The following NLGN1 variants were observed in gnomAD, a reference collection of about 807,000 sequenced individuals.
The protein encoded by NLGN1 is neuroligin-1.
A neutral mutation model predicts 65.5 loss-of-function variants in NLGN1; 12 were observed. The observed-to-expected ratio is 0.18, with a 90% CI of 0.12 to 0.30. The LOEUF (loss-of-function observed/expected upper bound fraction) is 0.30. Ranked by LOEUF, NLGN1 falls within the 10% of genes least tolerant of loss-of-function variation. The probability of loss-of-function intolerance (pLI) is 1.00; values close to 1 mark genes in which losing one functional copy is unlikely to be tolerated. For missense variants in NLGN1, 750 were observed against 1,007.1 expected, an observed-to-expected ratio of 0.74 and a Z score of 3.46; for synonymous variants, 350 against 359.5, an observed-to-expected ratio of 0.97 and a Z score of 0.30.
At chr3:173,708,825 C>T (rs1263062426) in intron 3 of NLGN1, among the ~76,000 whole-genome samples, 1 of 152,056 alleles carries the variant, frequency 6.6e-6, no homozygotes, top group African/African-American at 2.4e-5. Flanking sequence ...TGAAATATAT[C>T]AGTGATACTA....
At chr3:174,214,549 C>CT (rs1014156590) in intron 4 of NLGN1, among the ~76,000 whole-genome samples, 2 of 151,968 alleles carry the variant, frequency 1.3e-5, no homozygotes, top group Non-Finnish European at 2.9e-5. Flanking sequence ...CTTTTGGTGC[C>CT]TTTTTTTGGT....
intron 2 of NLGN1, among the ~76,000 whole-genome samples, chr3:173,463,836 T>A (rs2148897784): frequency 6.6e-6 from 1 of 152,290 alleles, no homozygotes; most frequent in African/African-American, 2.4e-5. Context: ...ACAGCTCTTC[T>A]CACTAAATGA....
chr3:173,627,877 G>T (rs2149527715), intron 3 of NLGN1, among the ~76,000 whole-genome samples: 1 of 151,298 alleles, frequency 6.6e-6, no homozygotes, highest in South Asian at 2.1e-4. Context: ...AAAAAAAAAA[G>T]CTATTCCTGA....
At chr3:173,693,455 C>A (rs1765760187) in intron 3 of NLGN1, among the ~76,000 whole-genome samples, 1 of 152,048 alleles carries the variant, frequency 6.6e-6, no homozygotes, top group African/African-American at 2.4e-5. Context: ...CCAATACCTT[C>A]AAACATAAGA....
At chr3:173,401,993 C>T (rs1268901612) in intron 1 of NLGN1, among the ~76,000 whole-genome samples, 2 of 152,128 alleles carry the variant, frequency 1.3e-5, no homozygotes, top group African/African-American at 4.8e-5. Context: ...CCTTCTCTTC[C>T]AGTCTATTGA....
intron 2 of NLGN1, among the ~76,000 whole-genome samples, chr3:173,445,934 G>C (rs537124413): frequency 6.6e-6 from 1 of 152,198 alleles, no homozygotes; most frequent in East Asian, 1.9e-4. Context: ...ACCTCTAACA[G>C]ACATTTGATC....
At chr3:173,567,110 G>A (rs1344926322) in intron 2 of NLGN1, among the ~76,000 whole-genome samples, 1 of 151,974 alleles carries the variant, frequency 6.6e-6, no homozygotes, top group Non-Finnish European at 1.5e-5. Context: ...TCCTCTTATT[G>A]ACTTTAACCT....
intron 5 of NLGN1, among the ~76,000 whole-genome samples, chr3:174,276,663 G>A (rs925024810): frequency 4.6e-5 from 7 of 151,832 alleles, no homozygotes; most frequent in Non-Finnish European, 8.8e-5. Context: ...ATGAATCCAT[G>A]TATTTGGAGA....
At chr3:173,401,908 T>C (rs1440480981) in intron 1 of NLGN1, among the ~76,000 whole-genome samples, 2 of 152,216 alleles carry the variant, frequency 1.3e-5, no homozygotes, top group Non-Finnish European at 2.9e-5. Flanking sequence ...CTTTTGATGA[T>C]ATTTTACTTA....
chr3:173,966,771 G>A (rs1196805508), intron 4 of NLGN1, among the ~76,000 whole-genome samples: 1 of 152,154 alleles, frequency 6.6e-6, no homozygotes, highest in East Asian at 1.9e-4. Context: ...TAGCATCATT[G>A]TAGTTCATTG....
chr3:173,475,905 T>C (rs961583185), intron 2 of NLGN1, among the ~76,000 whole-genome samples: 6 of 152,334 alleles, frequency 3.9e-5, no homozygotes, highest in African/African-American at 1.4e-4. Context: ...ATTTATTAAC[T>C]AAACAAGCAC....
intron 3 of NLGN1, among the ~76,000 whole-genome samples, chr3:173,680,752 C>A (rs994918024): frequency 1.3e-5 from 2 of 152,028 alleles, no homozygotes; most frequent in African/African-American, 4.8e-5. Flanking sequence ...CACTAGGGAC[C>A]ATGGATGGAA....
chr3:173,736,774 T>G (rs960844128), intron 3 of NLGN1, among the ~76,000 whole-genome samples: 7 of 152,110 alleles, frequency 4.6e-5, no homozygotes, highest in Non-Finnish European at 1.0e-4. Context: ...AATATGATTA[T>G]GACTTCAAAG....
At chr3:173,440,527 T>A (rs1718976133) in intron 2 of NLGN1, among the ~76,000 whole-genome samples, 1 of 152,176 alleles carries the variant, frequency 6.6e-6, no homozygotes, top group African/African-American at 2.4e-5. Context: ...ATCTATGGGG[T>A]ACAGAATGAA....
At chr3:173,875,452 C>A (rs945141457) in intron 4 of NLGN1, among the ~76,000 whole-genome samples, 2 of 151,956 alleles carry the variant, frequency 1.3e-5, no homozygotes, top group African/African-American at 4.8e-5. Flanking sequence ...TTGTTTAAAG[C>A]ATAAAATGTA....
intron 3 of NLGN1, among the ~76,000 whole-genome samples, chr3:173,669,680 A>G (rs1236137643): frequency 6.6e-6 from 1 of 152,166 alleles, no homozygotes; most frequent in Non-Finnish European, 1.5e-5. Flanking sequence ...ATTTGTGGGG[A>G]CACAATTTAC....
chr3:174,133,178 C>T (rs1720532868), intron 4 of NLGN1, among the ~76,000 whole-genome samples: 1 of 152,160 alleles, frequency 6.6e-6, no homozygotes, highest in Non-Finnish European at 1.5e-5. Flanking sequence ...GTCATTTGGT[C>T]AGTAACATTA....
chr3:173,414,805 G>A (rs1047640119), intron 1 of NLGN1, among the ~76,000 whole-genome samples: 5 of 152,310 alleles, frequency 3.3e-5, no homozygotes, highest in African/African-American at 9.6e-5. Flanking sequence ...AAGGTGAAGT[G>A]GGTGGTTTTG....
chr3:173,517,999 A>G (rs1379785512), intron 2 of NLGN1, among the ~76,000 whole-genome samples: 1 of 151,994 alleles, frequency 6.6e-6, no homozygotes, highest in Non-Finnish European at 1.5e-5. Context: ...TTTTGTACAC[A>G]TGAGAAAAGC....
Sources: allele counts gnomAD v4.1 joint callset (sites outside exome capture counted in the v4.1 genomes callset), GRCh38; gene constraint gnomAD v4.1.1; transcripts MANE v1.5; gene names NCBI Gene and HGNC (gene_info 2026-07-23, HGNC 2026-07-21).